Variants in SPTBN1 observed in about 807,000 individuals in gnomAD.
The protein encoded by SPTBN1 is spectrin beta, non-erythrocytic 1, also known as spectrin beta chain, non-erythrocytic 1.
A neutral mutation model predicts 266.4 loss-of-function variants in SPTBN1; 32 were observed. The ratio of observed to expected loss-of-function variants is 0.12; its 90% confidence interval spans 0.09 to 0.16. The LOEUF (loss-of-function observed/expected upper bound fraction) is 0.16. Among genes scored for constraint, SPTBN1 ranks in the 10% least tolerant of loss-of-function variants. The pLI, the probability that SPTBN1 is intolerant of heterozygous loss-of-function variation, is 1.00. For synonymous variants in SPTBN1, 1,336 were observed against 1,162.2 expected (o/e 1.15, Z -3.04); for missense variants, 2,296 against 3,067.1 (o/e 0.75, Z 5.94).
rs566422276 is a variant in SPTBN1 at position 54,628,472 on chromosome 2, G to C, written c.1798+222G>C. 2.0e-5 allele frequency among the ~76,000 whole-genome samples: 3 copies of C among 152,102 alleles called. No homozygotes were observed. The highest frequency in any genetic ancestry group is 2.0e-4 in the Admixed American group (3 of 15,274). On this transcript the variant is annotated intron_variant, in intron 13 of 35. Coordinates refer to ENST00000356805, the MANE Select transcript of SPTBN1 (RefSeq NM_003128.3). The surrounding 1 kb of genome is among the most constrained non-coding windows in gnomAD (Gnocchi z 4.3). ...AATACGCAAATGCTGCCTTTGCTTTGAGTGGCTTGGTGTTTGGCAGTGAGA... is the reference window on the plus strand; with the variant it reads ...AATACGCAAATGCTGCCTTTGCTTTCAGTGGCTTGGTGTTTGGCAGTGAGA...
At chr2:54,525,602 GT>G (rs754660181) in intron 1 of SPTBN1, among the ~76,000 whole-genome samples, 2 of 152,362 alleles carry the variant, frequency 1.3e-5, no homozygotes, top group Non-Finnish European at 2.9e-5. Context: ...TGATCTGCTA[GT>G]TCTCTTATAT....
chr2:54,625,989 A>G lies in SPTBN1; in HGVS notation c.1399A>G (p.Ile467Val). Residue 467 changes from isoleucine to valine, a missense_variant, in exon 12 of 36, where the codon ATT (isoleucine) becomes GTT (valine). This residue lies in a region of SPTBN1 where 6 missense variants were observed against 31.5 expected (regional missense o/e 0.19). Coordinates refer to ENST00000356805, the MANE Select transcript of SPTBN1 (RefSeq NM_003128.3). ...GGCCGCCACAAAAAAGCACGAGGCC[A>G]TTGAGACAGACATTGCCGCATACGA... ...VEAATKKHEA[I>V]ETDIAAYEER... 1.2e-6 allele frequency: 2 copies of G among 1,614,186 alleles called. No homozygotes were observed. The highest frequency in any genetic ancestry group is 1.7e-6 in the Non-Finnish European group (2 of 1,180,038).
Position 54,477,536 on chromosome 2 carries a change from G to A in SPTBN1, c.-48+21018G>A, listed in dbSNP as rs564736349. On this transcript the variant is annotated intron_variant, in intron 1 of 35. Transcript: ENST00000356805. ...TAAACAGGTGCGAAGGACAATTGCT[G>A]TTTTATGACAGGAAACACACTTTTA... Among the ~76,000 whole-genome samples, 8 of 151,680 alleles carry A rather than the reference G, an allele frequency of 5.3e-5. No individual in the cohort carries two copies. The East Asian group carries it at 1.6e-3, about 29-fold the overall frequency.
At chr2:54,534,143 T>C (rs1255305890) in intron 2 of SPTBN1, among the ~76,000 whole-genome samples, 1 of 152,144 alleles carries the variant, frequency 6.6e-6, no homozygotes, top group African/African-American at 2.4e-5. Context: ...CTTAAGATAG[T>C]ATATGCCATC....
intron 4 of SPTBN1, among the ~76,000 whole-genome samples, chr2:54,615,309 C>T (rs890986731): frequency 2.6e-5 from 4 of 152,130 alleles, no homozygotes; most frequent in Non-Finnish European, 5.9e-5. Flanking sequence ...CATGACAGAG[C>T]AGCGAAGCTT....
At chr2:54,536,340 C>A (rs1053145362) in intron 2 of SPTBN1, among the ~76,000 whole-genome samples, 1 of 152,188 alleles carries the variant, frequency 6.6e-6, no homozygotes, top group Non-Finnish European at 1.5e-5. Flanking sequence ...TTAAATTTAA[C>A]AGTGCAACGC....
Position 54,628,225 on chromosome 2 carries a change from C to G in SPTBN1, c.1773C>G (p.Ala591=). Residue 591 remains alanine, a synonymous_variant, in exon 13 of 36, where the codon GCC becomes GCG. Transcript: ENST00000356805. The surrounding 1 kb of genome is among the most constrained non-coding windows in gnomAD (Gnocchi z 4.3). ...AERVRGVNAS[A]QKFATDGEGY... ...GGGTGAGAGGTGTCAATGCCTCCGC[C>G]CAGAAGTTCGCAACAGACGGGGAAG... is the stretch of plus-strand genomic sequence containing the variant. 6.2e-7 allele frequency: 1 copy of G among 1,613,430 alleles called. No individual in the cohort carries two copies. Among genetic ancestry groups the G allele is most frequent in the Non-Finnish European group, 8.5e-7 (1 of 1,179,714 alleles).
At chr2:54,564,924 C>G (rs554596380) in intron 2 of SPTBN1, among the ~76,000 whole-genome samples, 2 of 152,270 alleles carry the variant, frequency 1.3e-5, no homozygotes, top group East Asian at 3.9e-4. Context: ...CTTACACATA[C>G]AAGCCGCTAA....
intron 1 of SPTBN1, among the ~76,000 whole-genome samples, chr2:54,507,284 A>C (rs1476228816): frequency 2.6e-5 from 4 of 152,134 alleles, no homozygotes. Flanking sequence ...GCTTGGGCTC[A>C]GAGGCCTGAC....
In SPTBN1 at chr2:54,623,587, C is replaced by T; in HGVS notation, c.1173C>T (p.Asp391=). 2 of 1,613,792 alleles carry T rather than the reference C, an allele frequency of 1.2e-6. No homozygotes were observed. Among genetic ancestry groups the T allele is most frequent in the East Asian group, 2.2e-5 (1 of 44,888 alleles). Residue 391 remains aspartate (D), a synonymous_variant, in exon 10 of 36, where the codon GAC becomes GAT. Coordinates refer to ENST00000356805, the MANE Select transcript of SPTBN1 (RefSeq NM_003128.3). ...YMPREGKLIS[D]INKAWERLEK... ...CCCGGGAGGGGAAGCTCATCTCTGA[C>T]ATCAACAAGGTAAAGTGGATCTGGA...
chr2:54,557,807 A>T, intron 2 of SPTBN1: 2 of 985,262 alleles, frequency 2.0e-6, no homozygotes, highest in Non-Finnish European at 2.4e-6. Context: ...GTCAGCCGAG[A>T]TTCTTCACTG....
intron 2 of SPTBN1, among the ~76,000 whole-genome samples, chr2:54,552,977 C>T (rs540580879): frequency 2.0e-5 from 3 of 152,200 alleles, no homozygotes; most frequent in Non-Finnish European, 4.4e-5. Flanking sequence ...AGGAGATGTT[C>T]TAAAGAGGTG....
chr2:54,649,559 A>G lies in SPTBN1; in HGVS notation c.5203-56A>G. On this transcript the variant is annotated intron_variant, in intron 25 of 35. Transcript: ENST00000356805. This position sits in a 1 kb window ranked among gnomAD's most constrained non-coding sequence, Gnocchi z 6.7. ...CTTTCCAAAGGGTATTCATGTGATC[A>G]AGAAATACAGAGTTCACAGTGGGCT... The G allele has an allele frequency of 1.3e-6, 2 of 1,572,932 alleles. No homozygotes were observed. The highest frequency in any genetic ancestry group is 1.8e-5 in the Admixed American group (1 of 56,764).
chr2:54,582,447 C>T (rs886479086), intron 2 of SPTBN1, among the ~76,000 whole-genome samples: 3 of 151,702 alleles, frequency 2.0e-5, no homozygotes, highest in Non-Finnish European at 4.4e-5. Flanking sequence ...GCCTGTAGTC[C>T]CAGCTACTCT....
chr2:54,562,869 AC>A (rs1452354565), intron 2 of SPTBN1, among the ~76,000 whole-genome samples: 1 of 152,056 alleles, frequency 6.6e-6, no homozygotes, highest in East Asian at 1.9e-4. Flanking sequence ...AGAAATGCTT[AC>A]CATTTTTAAA....
intron 2 of SPTBN1, among the ~76,000 whole-genome samples, chr2:54,531,637 C>T (rs1010231373): frequency 4.0e-5 from 6 of 151,594 alleles, no homozygotes; most frequent in African/African-American, 1.5e-4. Flanking sequence ...GAAATCAGGC[C>T]TGTGATCACT....
chr2:54,477,569 C>A (rs1445570438), intron 1 of SPTBN1, among the ~76,000 whole-genome samples: 3 of 152,056 alleles, frequency 2.0e-5, no homozygotes, highest in African/African-American at 4.8e-5. Flanking sequence ...TTAAAGCTGT[C>A]AGTTACCTCA....
At chr2:54,479,583 G>C in intron 1 of SPTBN1, among the ~76,000 whole-genome samples, 1 of 152,166 alleles carries the variant, frequency 6.6e-6, no homozygotes. Context: ...AGGAAGGTCT[G>C]AGGCAAACCA....
Position 54,558,236 on chromosome 2 carries a change from C to T in SPTBN1, c.148+31670C>T. On this transcript the variant is annotated intron_variant, in intron 2 of 35. Coordinates refer to ENST00000356805, the MANE Select transcript of SPTBN1 (RefSeq NM_003128.3). The surrounding 1 kb of genome is among the most constrained non-coding windows in gnomAD (Gnocchi z 4.6). ...GGACCGTGCGGGACCGGTAGGGGGT[C>T]GCGGGCCGGCTAGGCTCCCCCGCGC... 1 of 983,904 alleles carries T rather than the reference C, an allele frequency of 1.0e-6. No individual in the cohort carries two copies. The highest frequency in any genetic ancestry group is 1.2e-6 in the Non-Finnish European group (1 of 828,874). 60.9% of individuals were successfully genotyped at this position (983,904 alleles called of 1,614,324 possible).
Sources: gnomAD v4.1 joint callset for allele counts (sites outside exome capture counted in the v4.1 genomes callset) on GRCh38, gnomAD v4.1.1 for gene constraint, gnomAD v4.1.1 regional missense constraint, Gnocchi (gnomAD v3.1) non-coding constraint, MANE v1.5 for transcripts, NCBI Gene and HGNC (gene_info 2026-07-23, HGNC 2026-07-21) for gene names.